VOPP1: variants seen among roughly 807,000 people sequenced by gnomAD.
VOPP1 encodes WW domain binding protein VOPP1.
A neutral mutation model predicts 23.5 loss-of-function variants in VOPP1; 8 were observed. The ratio of observed to expected loss-of-function variants is 0.34; its 90% CI spans 0.20 to 0.61. The LOEUF is 0.61. Ranked by LOEUF, VOPP1 falls within the 20% of genes least tolerant of loss-of-function variation. The probability of loss-of-function intolerance (pLI) is 0.78; values close to 1 mark genes in which losing one functional copy is unlikely to be tolerated. For synonymous variants in VOPP1, 83 were observed against 97.3 expected (o/e 0.85, Z 0.86); for missense variants, 174 against 238.1 (o/e 0.73, Z 1.77).
chr7:55,541,877 G>C (rs1797146753), intron 1 of VOPP1, among the ~76,000 whole-genome samples: 1 of 152,176 alleles, frequency 6.6e-6, no homozygotes, highest in Admixed American at 6.5e-5. Context: ...GAGACAGAGA[G>C]TAGATTAATG....
chr7:55,504,341 T>C (rs1794568359), intron 2 of VOPP1, among the ~76,000 whole-genome samples: 1 of 152,234 alleles, frequency 6.6e-6, no homozygotes, highest in African/African-American at 2.4e-5. Flanking sequence ...GGCTTATCAC[T>C]GGCCTTCGAA....
At chr7:55,445,992 T>TA (rs35572229) in intron 4 of VOPP1, among the ~76,000 whole-genome samples, 1 of 17,820 alleles carries the variant, frequency 5.6e-5, no homozygotes, top group African/African-American at 1.3e-4. Flanking sequence ...CAGGTGAAAC[T>TA]TTTTTTTTTT....
At chr7:55,519,667 T>C (rs1795709155) in intron 2 of VOPP1, among the ~76,000 whole-genome samples, 1 of 152,222 alleles carries the variant, frequency 6.6e-6, no homozygotes, top group Non-Finnish European at 1.5e-5. Context: ...GTGGGGTCTG[T>C]CTTTCTGCAG....
chr7:55,515,920 C>T (rs1251850052), intron 2 of VOPP1: 3 of 967,220 alleles, frequency 3.1e-6, no homozygotes, highest in Non-Finnish European at 3.7e-6. Context: ...GGACATGCTC[C>T]TCGGTCAGTT....
intron 1 of VOPP1, chr7:55,571,944 C>G (rs1224293129): frequency 3.9e-6 from 1 of 257,660 alleles, no homozygotes; most frequent in African/African-American, 2.2e-5. Flanking sequence ...CCTCGGCCCT[C>G]TGCGGCGGGG....
intron 2 of VOPP1, 136 bp downstream of exon 2, chr7:55,520,936 T>C: frequency 1.2e-6 from 1 of 867,080 alleles, no homozygotes; most frequent in South Asian, 1.7e-5. Context: ...CATCCCCCAG[T>C]GAGGCAAGCC....
At chr7:55,447,371 T>TA (rs752934828) in intron 4 of VOPP1, among the ~76,000 whole-genome samples, 1 of 152,164 alleles carries the variant, frequency 6.6e-6, no homozygotes, top group Non-Finnish European at 1.5e-5. Context: ...TCACGGTGCG[T>TA]AAGGTTTGCT....
At chr7:55,556,451 T>A (rs895825265) in intron 1 of VOPP1, among the ~76,000 whole-genome samples, 1 of 152,206 alleles carries the variant, frequency 6.6e-6, no homozygotes, top group African/African-American at 2.4e-5. Flanking sequence ...GATAACATGA[T>A]GGAGTTTCTC....
chr7:55,526,533 G>A (rs995903007), intron 1 of VOPP1, among the ~76,000 whole-genome samples: 4 of 152,202 alleles, frequency 2.6e-5, no homozygotes, highest in Non-Finnish European at 4.4e-5. Flanking sequence ...GGCAGGCACA[G>A]CTGACTTGGC....
At chr7:55,571,938 G>T (rs1162771777) in intron 1 of VOPP1, 2 of 239,082 alleles carry the variant, frequency 8.4e-6, no homozygotes, top group Non-Finnish European at 1.6e-5. Flanking sequence ...TCCGATCCTC[G>T]GCCCTCTGCG....
At chr7:55,512,200 C>A (rs956542302) in intron 2 of VOPP1, among the ~76,000 whole-genome samples, 3 of 152,070 alleles carry the variant, frequency 2.0e-5, no homozygotes, top group Non-Finnish European at 4.4e-5. Context: ...CCGAGGCAGG[C>A]GGATCACTTG....
chr7:55,549,797 G>A (rs1797526293), intron 1 of VOPP1, among the ~76,000 whole-genome samples: 1 of 152,232 alleles, frequency 6.6e-6, no homozygotes, highest in Non-Finnish European at 1.5e-5. Context: ...ATACAAGAGA[G>A]TATGCACACA....
intron 1 of VOPP1, among the ~76,000 whole-genome samples, chr7:55,554,559 GT>G (rs1797738126): frequency 6.6e-6 from 1 of 152,192 alleles, no homozygotes; most frequent in African/African-American, 2.4e-5. Context: ...GAAACTTTGA[GT>G]AAAAAATTGC....
At chr7:55,543,049 G>C in intron 1 of VOPP1, among the ~76,000 whole-genome samples, 1 of 151,956 alleles carries the variant, frequency 6.6e-6, no homozygotes, top group East Asian at 1.9e-4. Flanking sequence ...TCGAGTAGCT[G>C]GGAATACAGG....
chr7:55,478,079 C>T (rs573277465), intron 4 of VOPP1, among the ~76,000 whole-genome samples: 2 of 152,302 alleles, frequency 1.3e-5, no homozygotes, highest in East Asian at 1.9e-4. Flanking sequence ...CCAGTTCTCA[C>T]AGAGGCAGAG....
downstream of VOPP1, among the ~76,000 whole-genome samples, chr7:55,470,264 C>A (rs1376203701): frequency 6.6e-6 from 1 of 152,124 alleles, no homozygotes; most frequent in African/African-American, 2.4e-5. Context: ...AGCAGCTACA[C>A]CCTTCAGCAG....
chr7:55,540,254 T>A (rs1797060039), intron 1 of VOPP1, among the ~76,000 whole-genome samples: 1 of 151,742 alleles, frequency 6.6e-6, no homozygotes, highest in Admixed American at 6.6e-5. Context: ...AAAAATTAGC[T>A]GGGCATGGTG....
intron 1 of VOPP1, among the ~76,000 whole-genome samples, chr7:55,544,327 G>C (rs1430276857): frequency 6.6e-6 from 1 of 152,142 alleles, no homozygotes; most frequent in Non-Finnish European, 1.5e-5. Context: ...TGATGAAATT[G>C]GAACAAAATA....
intron 4 of VOPP1, among the ~76,000 whole-genome samples, chr7:55,447,906 G>C (rs901189868): frequency 6.6e-6 from 1 of 151,798 alleles, no homozygotes; most frequent in African/African-American, 2.4e-5. Context: ...CTTCAAATTG[G>C]CAATTATATA....
Sources: gnomAD v4.1 joint callset for allele counts (sites outside exome capture counted in the v4.1 genomes callset) on GRCh38, gnomAD v4.1.1 for gene constraint, MANE v1.5 for transcripts, NCBI Gene and HGNC (gene_info 2026-07-23, HGNC 2026-07-21) for gene names.